APOD: variants seen among roughly 807,000 people sequenced by gnomAD.
The protein encoded by APOD is apolipoprotein D.
APOD carries 22 observed loss-of-function variants against 20.4 expected under a neutral mutation model. That is an observed-to-expected ratio of 1.08 (90% CI 0.77 to 1.54). The LOEUF is 1.54. APOD is among the 40% of genes most tolerant of loss of function. The pLI is 0.00. For missense variants in APOD, 223 were observed against 229.6 expected (o/e 0.97, Z 0.19); for synonymous variants, 97 against 92.4 (o/e 1.05, Z -0.29).
intron 4 of APOD, chr3:195,570,512 T>TCC (rs1030384260): frequency 1.3e-5 from 2 of 152,234 alleles, no homozygotes; most frequent in Non-Finnish European, 2.9e-5. Flanking sequence ...CTTCCTCTCC[T>TCC]CCCCGCTCTA....
At chr3:195,573,650 G>A (rs539306528) in intron 3 of APOD, among the ~76,000 whole-genome samples, 200 bp downstream of exon 3, 28 of 152,284 alleles carry the variant, frequency 1.8e-4, no homozygotes, top group South Asian at 6.2e-4. Context: ...TTTGTGCCCC[G>A]CAGGTGGTCA....
chr3:195,575,999 A>C (rs1720241947), intron 2 of APOD, among the ~76,000 whole-genome samples: 1 of 152,232 alleles, frequency 6.6e-6, no homozygotes, highest in Non-Finnish European at 1.5e-5. Context: ...AGGATGCTGC[A>C]CACAGGTGAG....
At chr3:195,582,489 C>G (rs967775692) in intron 1 of APOD, 1 of 151,874 alleles carries the variant, frequency 6.6e-6, no homozygotes, top group African/African-American at 2.4e-5. Context: ...GCCTGTAATC[C>G]CAACACTTTG....
rs1560046832 is a variant in APOD, at chr3:195,579,438, A to AAGC, written c.21_23dup (p.Leu8dup). 4 of 1,613,806 alleles carry AAGC rather than the reference A, an allele frequency of 2.5e-6. No individual in the cohort carries two copies. The highest frequency in any genetic ancestry group is 8.5e-7 in the Non-Finnish European group (1 of 1,180,008). ...CACCGAAGAGGCCAGCCAGTGCGGA[A>AAGC]AGCAGCAGCAGCAGCATCACCATCT... On this transcript the variant is annotated inframe_insertion, in exon 2 of 5. Transcript: ENST00000343267.
chr3:195,571,183 C>T (rs766473953), intron 4 of APOD, 94 bp downstream of exon 4: 3 of 1,015,116 alleles, frequency 3.0e-6, no homozygotes, highest in Non-Finnish European at 4.7e-6. Flanking sequence ...ATAGATGACA[C>T]TCAGGTGTCT....
chr3:195,576,239 G>T (rs1720245820), intron 2 of APOD, among the ~76,000 whole-genome samples: 1 of 152,140 alleles, frequency 6.6e-6, no homozygotes, highest in Admixed American at 6.5e-5. Context: ...TGAGTTTAGT[G>T]CCCCATAGTA....
At chr3:195,572,580 T>C (rs1469660404) in intron 3 of APOD, among the ~76,000 whole-genome samples, 3 of 152,064 alleles carry the variant, frequency 2.0e-5, no homozygotes, top group Non-Finnish European at 2.9e-5. Flanking sequence ...GGTGTGGAGA[T>C]GGAGGCACCA....
At chr3:195,571,105 C>T (rs759090402) in intron 4 of APOD, 172 bp downstream of exon 4, 6 of 664,174 alleles carry the variant, frequency 9.0e-6, no homozygotes, top group Non-Finnish European at 1.6e-5. Context: ...CTCTGTCCGG[C>T]TCATCATGGC....
intron 2 of APOD, 54 bp downstream of exon 2, chr3:195,579,285 A>G: frequency 6.2e-7 from 1 of 1,608,494 alleles, no homozygotes; most frequent in Non-Finnish European, 8.5e-7. Flanking sequence ...TGAACCTTGT[A>G]GAACGCTTAT....
intron 1 of APOD, 139 bp downstream of exon 1, chr3:195,583,739 G>A (rs1720379199): frequency 6.6e-6 from 1 of 152,186 alleles, no homozygotes; most frequent in African/African-American, 2.4e-5. Flanking sequence ...GGAAAAATGA[G>A]AACAAGTCTA....
chr3:195,570,910 A>G, intron 4 of APOD: 1 of 237,136 alleles, frequency 4.2e-6, no homozygotes, highest in African/African-American at 2.2e-5. Context: ...TTCTGCTAAT[A>G]TCTGCTAATG....
At chr3:195,575,606 T>C (rs1347785426) in intron 2 of APOD, among the ~76,000 whole-genome samples, 1 of 152,166 alleles carries the variant, frequency 6.6e-6, no homozygotes, top group Non-Finnish European at 1.5e-5. Context: ...AATGTAAATA[T>C]ATTTATCTAG....
intron 2 of APOD, among the ~76,000 whole-genome samples, chr3:195,575,684 G>A (rs1720235884): frequency 6.6e-6 from 1 of 152,170 alleles, no homozygotes; most frequent in Non-Finnish European, 1.5e-5. Context: ...GTGGAGTGCA[G>A]TAGTGCAATC....
chr3:195,574,093 T>G, intron 2 of APOD, 122 bp from the exon 3 acceptor site: 1 of 1,353,790 alleles, frequency 7.4e-7, no homozygotes, highest in Non-Finnish European at 1.0e-6. Context: ...GCCTCATTGT[T>G]CCCAGTGGCA....
intron 4 of APOD, among the ~76,000 whole-genome samples, chr3:195,569,583 G>C (rs974238091): frequency 9.9e-5 from 15 of 152,098 alleles, no homozygotes; most frequent in African/African-American, 3.6e-4. Flanking sequence ...TCGTGGTCCA[G>C]TTCCGAAGAA....
intron 1 of APOD, among the ~76,000 whole-genome samples, chr3:195,581,754 G>C (rs1720342300): frequency 6.6e-6 from 1 of 152,220 alleles, no homozygotes; most frequent in South Asian, 2.1e-4. Flanking sequence ...ATCTTACTCT[G>C]ACAAAATGCT....
chr3:195,569,794 T>A, intron 4 of APOD, among the ~76,000 whole-genome samples: 1 of 124,990 alleles, frequency 8.0e-6, no homozygotes, highest in Non-Finnish European at 1.7e-5. Context: ...TCGTTTTTTT[T>A]TTTTTTTTTT....
intron 2 of APOD, among the ~76,000 whole-genome samples, chr3:195,575,615 A>G (rs748295551): frequency 5.1e-4 from 78 of 152,148 alleles, no homozygotes; most frequent in Non-Finnish European, 9.1e-4. Context: ...ATATTTATCT[A>G]GTTAAAATAC....
At chr3:195,569,971 T>C (rs566776727) in intron 4 of APOD, among the ~76,000 whole-genome samples, 2 of 152,076 alleles carry the variant, frequency 1.3e-5, no homozygotes, top group African/African-American at 4.8e-5. Flanking sequence ...AGCTAATTTT[T>C]TGTATCTTTA....
Sources: gnomAD v4.1 joint callset for allele counts (sites outside exome capture counted in the v4.1 genomes callset) on GRCh38, gnomAD v4.1.1 for gene constraint, MANE v1.5 for transcripts, NCBI Gene and HGNC (gene_info 2026-07-23, HGNC 2026-07-21) for gene names.